The following CA3 variants were observed in gnomAD, a reference collection of about 807,000 sequenced individuals.
CA3 encodes the protein CA-III.
In CA3, 30 loss-of-function variants were observed where a neutral mutation model predicts 35.7. That is an observed-to-expected ratio of 0.84 (90% CI 0.63 to 1.14). The LOEUF (loss-of-function observed/expected upper bound fraction) is 1.14, where lower values mean the gene tolerates loss of function less well. Ranked by LOEUF, CA3 falls within the 50% of genes most tolerant of loss-of-function variation. The pLI is 0.00. For synonymous variants in CA3, 131 were observed against 130.8 expected (o/e 1.00, Z -0.01); for missense variants, 295 against 328.5 (o/e 0.90, Z 0.79).
At chr8:85,439,451 A>T (rs1202165472) in intron 1 of CA3, among the ~76,000 whole-genome samples, 1 of 152,220 alleles carries the variant, frequency 6.6e-6, no homozygotes, top group Admixed American at 6.5e-5. Context: ...GGTTAAAAAA[A>T]AATGTGATAA....
intron 6 of CA3, 76 bp from the exon 7 acceptor site, chr8:85,447,958 A>G (rs1811315267): frequency 7.1e-7 from 1 of 1,416,514 alleles, no homozygotes; most frequent in South Asian, 1.4e-5. Context: ...CCCCAGCAGT[A>G]TTTATACCTC....
rs542149751 is a variant in CA3, at chr8:85,439,862, A to G, written c.185A>G (p.Asn62Ser). 2.7e-5 allele frequency: 43 copies of G among 1,613,936 alleles called. No homozygotes were observed. The highest frequency in any genetic ancestry group is 1.7e-4 in the Middle Eastern group (1 of 6,044). Reference protein sequence around the residue: ...DGGSAKTILNNGKTCRVVFDD... With the variant: ...DGGSAKTILNSGKTCRVVFDD... ...GGCTCTGCCAAGACCATCCTGAATA[A>G]TGGGAAGACCTGCCGAGTTGTATTT... is the stretch of plus-strand genomic sequence containing the variant. The change falls in exon 2 of 7, where the codon AAT becomes AGT. Residue 62 changes from asparagine (N) to serine (S), a missense_variant. Asn to Ser is a conservative substitution (Grantham distance 46). Coordinates refer to ENST00000285381, the MANE Select transcript of CA3 (RefSeq NM_005181.4).
intron 5 of CA3, 48 bp downstream of exon 5, chr8:85,445,266 G>T: frequency 8.1e-7 from 1 of 1,238,574 alleles, no homozygotes; most frequent in South Asian, 1.3e-5. Flanking sequence ...AGATTATGCA[G>T]ATTTTCTTTA....
chr8:85,441,745 C>A, intron 2 of CA3: 1 of 271,398 alleles, frequency 3.7e-6, no homozygotes, highest in South Asian at 4.6e-5. Context: ...CTTCCCACTG[C>A]ACCACACTAC....
Position 85,446,300 on chromosome 8 carries a change from G to A in CA3, c.663+3G>A, listed in dbSNP as rs1477075295. Reference sequence around the variant, plus strand: ...CCATGACCGTGAGCTCTGACCAGGTGAGCAGCCTTGTGAACACGTGGGCTT... The same window carrying A: ...CCATGACCGTGAGCTCTGACCAGGTAAGCAGCCTTGTGAACACGTGGGCTT... On this transcript the variant is annotated splice_donor_region_variant and intron_variant, in intron 6 of 6. Transcript: ENST00000285381. The A allele has an allele frequency of 6.2e-7, 1 of 1,611,026 alleles. No homozygotes were observed. Among genetic ancestry groups the A allele is most frequent in the African/African-American group, 1.3e-5 (1 of 74,818 alleles).
At chr8:85,444,333 C>A (rs1443821008) in intron 4 of CA3, among the ~76,000 whole-genome samples, 1 of 151,906 alleles carries the variant, frequency 6.6e-6, no homozygotes, top group African/African-American at 2.4e-5. Context: ...CACTCCAGGA[C>A]CCCTAGCACT....
Position 85,439,860 on chromosome 8 carries a change from T to A in CA3, c.183T>A (p.Asn61Lys). The A allele has an allele frequency of 1.2e-6, 2 of 1,613,972 alleles. No homozygotes were observed. Among genetic ancestry groups the A allele is most frequent in the Admixed American group, 1.7e-5 (1 of 60,030 alleles). ...YDGGSAKTIL[N>K]NGKTCRVVFD... Reference sequence around the variant, plus strand: ...GTGGCTCTGCCAAGACCATCCTGAATAATGGGAAGACCTGCCGAGTTGTAT... The same window carrying A: ...GTGGCTCTGCCAAGACCATCCTGAAAAATGGGAAGACCTGCCGAGTTGTAT... The change falls in exon 2 of 7, where the codon AAT becomes AAA. Residue 61 changes from asparagine (N) to lysine (K), a missense_variant. Asn to Lys is a moderately conservative substitution (Grantham distance 94). Transcript: ENST00000285381.
intron 3 of CA3, chr8:85,442,453 C>A: frequency 2.9e-6 from 1 of 344,930 alleles, no homozygotes; most frequent in Non-Finnish European, 5.5e-6. Flanking sequence ...TGGCTCACAC[C>A]TGTAATCTCA....
At chr8:85,445,420 T>C (rs1811273312) in intron 5 of CA3, among the ~76,000 whole-genome samples, 1 of 152,018 alleles carries the variant, frequency 6.6e-6, no homozygotes, top group Admixed American at 6.6e-5. Flanking sequence ...TTTTTAATGG[T>C]CATAGTCATC....
chr8:85,445,780 C>G (rs1489923438), intron 5 of CA3, among the ~76,000 whole-genome samples: 1 of 152,104 alleles, frequency 6.6e-6, no homozygotes, highest in Non-Finnish European at 1.5e-5. Context: ...AATAAAAATA[C>G]AAGCCTGATA....
chr8:85,440,521 G>A (rs1033710369), intron 2 of CA3, among the ~76,000 whole-genome samples: 4 of 152,116 alleles, frequency 2.6e-5, no homozygotes, highest in African/African-American at 4.8e-5. Flanking sequence ...GTGAGACAGC[G>A]ACTGAAAAAT....
chr8:85,441,370 G>T (rs1194434246), intron 2 of CA3, among the ~76,000 whole-genome samples: 1 of 152,158 alleles, frequency 6.6e-6, no homozygotes, highest in Admixed American at 6.5e-5. Context: ...CATCCACATT[G>T]ATTGGTTTTC....
chr8:85,442,219 C>T (rs1397023557), intron 3 of CA3, 28 bp downstream of exon 3: 2 of 1,161,348 alleles, frequency 1.7e-6, no homozygotes, highest in Admixed American at 1.7e-5. Flanking sequence ...AATCCATTCT[C>T]GGTCTCATAC....
chr8:85,442,343 C>G, intron 3 of CA3, 152 bp downstream of exon 3: 1 of 625,524 alleles, frequency 1.6e-6, no homozygotes, highest in Non-Finnish European at 2.9e-6. Context: ...TGAACTGAAG[C>G]TGCTGAACAT....
At chr8:85,440,841 G>A (rs115556652) in intron 2 of CA3, among the ~76,000 whole-genome samples, 137 of 152,200 alleles carry the variant, frequency 9.0e-4, no homozygotes, top group African/African-American at 3.1e-3. Context: ...CAGTGGTTTC[G>A]TATTGCTATT....
At chr8:85,444,206 C>A in intron 4 of CA3, 80 bp downstream of exon 4, 1 of 838,478 alleles carries the variant, frequency 1.2e-6, no homozygotes, top group Non-Finnish European at 2.0e-6. Flanking sequence ...GTTTCATTTC[C>A]TCATTTTTAC....
At chr8:85,444,370 T>A (rs550768069) in intron 4 of CA3, among the ~76,000 whole-genome samples, 1 of 151,026 alleles carries the variant, frequency 6.6e-6, no homozygotes, top group Non-Finnish European at 1.5e-5. Flanking sequence ...ATGTGGGAGG[T>A]GTGTGTGTGT....
chr8:85,446,665 T>A (rs1025041852), intron 6 of CA3, among the ~76,000 whole-genome samples: 1 of 152,120 alleles, frequency 6.6e-6, no homozygotes, highest in Non-Finnish European at 1.5e-5. Context: ...AAGAGAAAGG[T>A]GCTAATGGAA....
intron 3 of CA3, among the ~76,000 whole-genome samples, chr8:85,443,237 G>A (rs1457354825): frequency 6.6e-6 from 1 of 152,070 alleles, no homozygotes; most frequent in Non-Finnish European, 1.5e-5. Context: ...TCAGATCAAC[G>A]CATCAAATTA....
Sources: allele counts gnomAD v4.1 joint callset (sites outside exome capture counted in the v4.1 genomes callset), GRCh38; gene constraint gnomAD v4.1.1; transcripts MANE v1.5; gene names NCBI Gene and HGNC (gene_info 2026-07-23, HGNC 2026-07-21).